The following CDH18 variants were observed in gnomAD, a reference collection of about 807,000 sequenced individuals.
The protein encoded by CDH18 is cadherin-18.
CDH18 carries 31 observed loss-of-function variants against 67.9 expected under a neutral mutation model. The ratio of observed to expected loss-of-function variants is 0.46; its 90% CI spans 0.34 to 0.62. CDH18 has a LOEUF of 0.62. CDH18 is among the 20% of genes least tolerant of loss of function. The pLI is 0.01. For synonymous variants in CDH18, 362 were observed against 347.2 expected, an observed-to-expected ratio of 1.04 and a Z score of -0.48; for missense variants, 890 against 975.5, an observed-to-expected ratio of 0.91 and a Z score of 1.17.
At chr5:19,917,174 T>C (rs969731491) in intron 2 of CDH18, among the ~76,000 whole-genome samples, 1 of 152,178 alleles carries the variant, frequency 6.6e-6, no homozygotes, top group Admixed American at 6.5e-5. Flanking sequence ...TAAAAATTAT[T>C]TTCTAAGAAC....
chr5:20,531,647 C>A (rs1242527117), intron 1 of CDH18, among the ~76,000 whole-genome samples: 1 of 152,078 alleles, frequency 6.6e-6, no homozygotes, highest in African/African-American at 2.4e-5. Flanking sequence ...AACACAAAAC[C>A]AAACACAGCA....
At chr5:20,072,986 G>A (rs900328065) in intron 2 of CDH18, among the ~76,000 whole-genome samples, 7 of 151,792 alleles carry the variant, frequency 4.6e-5, no homozygotes, top group Non-Finnish European at 1.0e-4. Context: ...TTAATATGAG[G>A]ATAACAGAAA....
At chr5:19,711,529 A>T (rs1194044382) in intron 5 of CDH18, among the ~76,000 whole-genome samples, 1 of 152,066 alleles carries the variant, frequency 6.6e-6, no homozygotes, top group African/African-American at 2.4e-5. Context: ...TCAAAAGGAG[A>T]CACAAATGGC....
intron 1 of CDH18, among the ~76,000 whole-genome samples, chr5:20,373,055 A>T (rs1743132309): frequency 6.6e-6 from 1 of 152,202 alleles, no homozygotes; most frequent in Admixed American, 6.5e-5. Flanking sequence ...TGTTGATATT[A>T]TAATAAGACA....
intron 2 of CDH18, among the ~76,000 whole-genome samples, chr5:20,092,904 T>C (rs773571167): frequency 2.0e-5 from 3 of 152,164 alleles, no homozygotes; most frequent in Non-Finnish European, 2.9e-5. Flanking sequence ...TGAGATCACA[T>C]TTGGTATGAC....
intron 1 of CDH18, among the ~76,000 whole-genome samples, chr5:20,484,744 T>C (rs1028781624): frequency 3.3e-5 from 5 of 151,952 alleles, no homozygotes; most frequent in Non-Finnish European, 4.4e-5. Flanking sequence ...GGGCTAAATA[T>C]TAAAACAATT....
intron 5 of CDH18, among the ~76,000 whole-genome samples, chr5:19,714,442 G>A (rs937220302): frequency 6.6e-6 from 1 of 150,614 alleles, no homozygotes; most frequent in African/African-American, 2.4e-5. Flanking sequence ...TTCTTGTGTT[G>A]TTGTCCTCAC....
At chr5:20,525,405 G>A (rs16886488) in intron 1 of CDH18, among the ~76,000 whole-genome samples, 1,549 of 152,100 alleles carry the variant, frequency 0.01, 18 homozygotes, top group African/African-American at 0.035. Context: ...TATGCAGGCC[G>A]CAGAATTTAC....
intron 5 of CDH18, among the ~76,000 whole-genome samples, chr5:19,672,069 G>A (rs1758825037): frequency 6.6e-6 from 1 of 152,058 alleles, no homozygotes; most frequent in Admixed American, 6.6e-5. Flanking sequence ...AAAATATTAC[G>A]AAGCATTAAA....
At chr5:20,509,819 T>C (rs955493365) in intron 1 of CDH18, among the ~76,000 whole-genome samples, 2 of 152,238 alleles carry the variant, frequency 1.3e-5, no homozygotes, top group East Asian at 3.8e-4. Flanking sequence ...TAATTCCATA[T>C]CTGGGCTATT....
chr5:20,167,839 A>G (rs201251423), intron 2 of CDH18, among the ~76,000 whole-genome samples: 1 of 152,288 alleles, frequency 6.6e-6, no homozygotes, highest in East Asian at 1.9e-4. Context: ...ACCTCAATCT[A>G]CTTTCTGCCT....
chr5:20,152,984 C>T (rs1210268670), intron 2 of CDH18, among the ~76,000 whole-genome samples: 1 of 146,112 alleles, frequency 6.8e-6, no homozygotes. Flanking sequence ...TTTCTGTTGC[C>T]CAGGCTGGAG....
rs145606062 is a variant in CDH18 at position 20,111,423 on chromosome 5, A to G, written c.-517-119409T>C. Among the ~76,000 whole-genome samples, 262 of 152,144 alleles carry G rather than the reference A, an allele frequency of 1.7e-3. 2 individuals are homozygous for G. Among genetic ancestry groups the G allele is most frequent in the African/African-American group, 6.1e-3 (255 of 41,512 alleles). ...AAGAGTATAGGGAGACCATATTTGC[A>G]AGCCCCTTGTGCAGTTAGGGTGGGA... On this transcript the variant is annotated intron_variant, in intron 2 of 14. Coordinates refer to the CDH18 transcript ENST00000507958.
chr5:19,891,333 G>A (rs551682906), intron 2 of CDH18, among the ~76,000 whole-genome samples: 53 of 152,184 alleles, frequency 3.5e-4, no homozygotes, highest in South Asian at 6.2e-4. Flanking sequence ...TAGGGCTAAC[G>A]TGTGAGTAGA....
chr5:19,794,552 C>T (rs1776666014), intron 3 of CDH18, among the ~76,000 whole-genome samples: 2 of 151,988 alleles, frequency 1.3e-5, no homozygotes, highest in South Asian at 4.1e-4. Flanking sequence ...TAAATTGATC[C>T]CTTTTTTTCT....
At chr5:19,755,190 CA>C (rs1045997267) in intron 3 of CDH18, among the ~76,000 whole-genome samples, 5 of 144,882 alleles carry the variant, frequency 3.5e-5, no homozygotes, top group Non-Finnish European at 6.1e-5. Context: ...TAAAAACAAA[CA>C]AAAAAAATAC....
chr5:20,433,132 T>C (rs558948907), intron 1 of CDH18, among the ~76,000 whole-genome samples: 32 of 151,164 alleles, frequency 2.1e-4, no homozygotes, highest in African/African-American at 7.5e-4. Context: ...AGGGGCTAAA[T>C]TGTGTCCTTC....
chr5:20,102,440 G>A (rs1746555164), intron 2 of CDH18, among the ~76,000 whole-genome samples: 2 of 152,090 alleles, frequency 1.3e-5, no homozygotes, highest in Admixed American at 1.3e-4. Flanking sequence ...GCTCATTACC[G>A]GCTGGGGTTG....
chr5:20,237,387 T>C (rs948099543), intron 2 of CDH18, among the ~76,000 whole-genome samples: 22 of 151,996 alleles, frequency 1.4e-4, no homozygotes, highest in African/African-American at 5.1e-4. Context: ...AATAAAAAGT[T>C]ATTTTTTTCC....
Sources: gnomAD v4.1 joint callset for allele counts (sites outside exome capture counted in the v4.1 genomes callset) on GRCh38, gnomAD v4.1.1 for gene constraint, MANE v1.5 for transcripts, NCBI Gene and HGNC (gene_info 2026-07-23, HGNC 2026-07-21) for gene names.